Variants in PALD1 observed in about 807,000 individuals in gnomAD.
The protein encoded by PALD1 is phosphatase domain containing paladin 1, also known as paladin.
Under a neutral mutation model 96.0 loss-of-function variants are expected in PALD1, and 57 were observed. That is an observed-to-expected ratio of 0.59 (90% CI 0.48 to 0.74). The LOEUF (loss-of-function observed/expected upper bound fraction) is 0.74. Among genes scored for constraint, PALD1 ranks in the 30% least tolerant of loss-of-function variants. PALD1 has a pLI of 0.00. For missense variants in PALD1, 1,063 were observed against 1,143.7 expected (o/e 0.93, Z 1.02); for synonymous variants, 464 against 473.6 (o/e 0.98, Z 0.26).
chr10:70,502,346 A>G (rs963302762), intron 1 of PALD1, among the ~76,000 whole-genome samples: 1 of 152,154 alleles, frequency 6.6e-6, no homozygotes, highest in African/African-American at 2.4e-5. Flanking sequence ...GATGGCCTTA[A>G]TGACATCCAT....
chr10:70,554,000 G>A (rs1847538216), intron 18 of PALD1, among the ~76,000 whole-genome samples: 1 of 152,220 alleles, frequency 6.6e-6, no homozygotes, highest in East Asian at 1.9e-4. Flanking sequence ...TTCTCTCTAT[G>A]CCTGTCTCAA....
chr10:70,506,898 G>A (rs901293757), intron 1 of PALD1, among the ~76,000 whole-genome samples: 1 of 152,074 alleles, frequency 6.6e-6, no homozygotes, highest in Non-Finnish European at 1.5e-5. Context: ...ACCTGGGGGT[G>A]GGGGTGGTCA....
At chr10:70,502,963 A>C (rs4747041) in intron 1 of PALD1, among the ~76,000 whole-genome samples, 151,714 of 152,250 alleles carry the variant, frequency 1, 75,592 homozygotes, top group Non-Finnish European at 1. Flanking sequence ...TCACTGCATC[A>C]TCTACCTCCT....
intron 2 of PALD1, among the ~76,000 whole-genome samples, chr10:70,527,900 A>G (rs961933017): frequency 6.6e-6 from 1 of 152,104 alleles, no homozygotes; most frequent in Non-Finnish European, 1.5e-5. Flanking sequence ...CATCCACGTC[A>G]GGCATATCTC....
At chr10:70,463,843 T>C in the PALD1 span, among the ~76,000 whole-genome samples, 1 of 152,096 alleles carries the variant, frequency 6.6e-6, no homozygotes, top group Non-Finnish European at 1.5e-5. Flanking sequence ...AAGATCTGGA[T>C]GGGGAGCCTT....
Position 70,539,253 on chromosome 10 carries a change from G to A in PALD1, c.1725+6G>A. ...TGGCTCCTGACCAGCTGGAGGTGAG[G>A]CCCCCTGCCCTCTAGGCACCCCTGC... is the stretch of plus-strand genomic sequence containing the variant. On this transcript the variant is annotated splice_donor_region_variant and intron_variant, in intron 14 of 19. Transcript: ENST00000263563. This position sits in a 1 kb window ranked among gnomAD's most constrained non-coding sequence, Gnocchi z 4.5. 1 of 1,603,562 alleles carries A rather than the reference G, an allele frequency of 6.2e-7. No homozygotes were observed. Among genetic ancestry groups the A allele is most frequent in the Admixed American group, 1.7e-5 (1 of 58,930 alleles).
rs764903701 is a variant in PALD1, at chr10:70,539,775, C to T, written c.1908+13C>T. ...CCCCCGAGAGGAGGTGAGGGTGCTG[C>T]TCAGGCTGAGGCCTCTGGGGAGGGA... is the stretch of plus-strand genomic sequence containing the variant. On this transcript the variant is annotated intron_variant, in intron 15 of 19. Coordinates refer to ENST00000263563, the MANE Select transcript of PALD1 (RefSeq NM_014431.3). The surrounding 1 kb of genome is among the most constrained non-coding windows in gnomAD (Gnocchi z 4.5). 4 of 1,603,868 alleles carry T rather than the reference C, an allele frequency of 2.5e-6. No individual in the cohort carries two copies. Among genetic ancestry groups the T allele is most frequent in the Non-Finnish European group, 3.4e-6 (4 of 1,177,268 alleles).
At chr10:70,515,504 G>T (rs1447139577) in intron 1 of PALD1, among the ~76,000 whole-genome samples, 1 of 152,252 alleles carries the variant, frequency 6.6e-6, no homozygotes, top group African/African-American at 2.4e-5. Context: ...CACAGATGGC[G>T]CCTGGGCGAG....
rs1049737966 is a variant in PALD1 at position 70,532,536 on chromosome 10, T to G, written c.634-85T>G. The G allele has an allele frequency of 3.6e-6, 5 of 1,399,296 alleles. No homozygotes were observed. The African/African-American group carries it at 7.1e-5, about 20-fold the overall frequency. 86.7% of individuals were successfully genotyped at this position (1,399,296 alleles called of 1,614,324 possible). On this transcript the variant is annotated intron_variant, in intron 5 of 19. Coordinates refer to ENST00000263563, the MANE Select transcript of PALD1 (RefSeq NM_014431.3). ...GCCTGCCTGTGGCCTCTGCATGGTC[T>G]GGTCACTCCAGAGCTCAGCCAGGAC...
At chr10:70,501,308 G>T (rs1448402765) in intron 1 of PALD1, among the ~76,000 whole-genome samples, 1 of 152,182 alleles carries the variant, frequency 6.6e-6, no homozygotes, top group Non-Finnish European at 1.5e-5. Context: ...AAGTTTCTCG[G>T]CCTCCCTGGG....
chr10:70,470,903 G>C, the PALD1 span, among the ~76,000 whole-genome samples: 12 of 152,120 alleles, frequency 7.9e-5, no homozygotes, highest in African/African-American at 2.9e-4. Flanking sequence ...CTGGGTTCAA[G>C]TGATTCTCCT....
chr10:70,518,384 G>A (rs974111824), intron 1 of PALD1, among the ~76,000 whole-genome samples: 2 of 152,178 alleles, frequency 1.3e-5, no homozygotes, highest in African/African-American at 2.4e-5. Context: ...GGTCATATGA[G>A]AAGGGTATGT....
At chr10:70,522,569 C>G (rs1846760107) in intron 1 of PALD1, among the ~76,000 whole-genome samples, 2 of 152,230 alleles carry the variant, frequency 1.3e-5, no homozygotes. Context: ...TGGGCACTGC[C>G]TCACACTCCA....
chr10:70,462,697 CT>C, the PALD1 span, among the ~76,000 whole-genome samples: 1 of 152,394 alleles, frequency 6.6e-6, no homozygotes, highest in African/African-American at 2.4e-5. Context: ...TTGTGCCCCC[CT>C]GGCACTGTGC....
At chr10:70,541,268 T>G in intron 16 of PALD1, 26 bp downstream of exon 16, 1 of 1,588,306 alleles carries the variant, frequency 6.3e-7, no homozygotes. Flanking sequence ...CAAGTGAGAT[T>G]AGAGATTTGC....
chr10:70,496,746 C>T (rs923029564), intron 1 of PALD1, among the ~76,000 whole-genome samples: 2 of 152,150 alleles, frequency 1.3e-5, no homozygotes, highest in Admixed American at 1.3e-4. Context: ...AACATGAACA[C>T]CCGCTTCTCT....
intron 18 of PALD1, among the ~76,000 whole-genome samples, chr10:70,556,859 T>C (rs1318795768): frequency 6.6e-6 from 1 of 152,168 alleles, no homozygotes; most frequent in East Asian, 1.9e-4. Context: ...GCTGCTCTCA[T>C]TGTCCCGATT....
At chr10:70,493,755 T>G (rs1050930455) in intron 1 of PALD1, among the ~76,000 whole-genome samples, 45 of 152,208 alleles carry the variant, frequency 3.0e-4, no homozygotes, top group African/African-American at 1.0e-3. Context: ...ACCTTCAGCA[T>G]GGATGCACGG....
At chr10:70,565,242 A>G (rs902542859) in intron 19 of PALD1, among the ~76,000 whole-genome samples, 3 of 152,160 alleles carry the variant, frequency 2.0e-5, no homozygotes, top group Admixed American at 6.5e-5. Context: ...AGCCCACTGT[A>G]TCCTGACCTA....
Sources: gnomAD v4.1 joint callset for allele counts (sites outside exome capture counted in the v4.1 genomes callset) on GRCh38, gnomAD v4.1.1 for gene constraint, Gnocchi (gnomAD v3.1) non-coding constraint, MANE v1.5 for transcripts, NCBI Gene and HGNC (gene_info 2026-07-23, HGNC 2026-07-21) for gene names.